HYOU1: variants seen among roughly 807,000 people sequenced by gnomAD.
HYOU1 encodes hypoxia up-regulated protein 1.
A neutral mutation model predicts 120.5 loss-of-function variants in HYOU1; 40 were observed. That is an observed-to-expected ratio of 0.33 (90% CI 0.26 to 0.43). HYOU1 has a LOEUF of 0.43. Ranked by LOEUF, HYOU1 falls within the 20% of genes least tolerant of loss-of-function variation. The pLI is 1.00. For missense variants in HYOU1, 1,085 were observed against 1,278.3 expected (o/e 0.85, Z 2.31); for synonymous variants, 501 against 479.4 (o/e 1.05, Z -0.59).
In HYOU1 at chr11:119,049,813, C is replaced by T. The variant is rs2133575883; in HGVS notation, c.1690G>A (p.Val564Ile). 7 of 1,614,108 alleles carry T rather than the reference C, an allele frequency of 4.3e-6. No individual in the cohort carries two copies. The highest frequency in any genetic ancestry group is 5.9e-6 in the Non-Finnish European group (7 of 1,179,968). ...GATTCCTCTTCTGCGCTGTCCTCTA[C>T]CAGTGTCTCAAATACAGACTCCACC... is the stretch of plus-strand genomic sequence containing the variant. The part of the protein sequence containing the change: ...DRVESVFETL[V>I]EDSAEEESTL... Residue 564 changes from valine (V) to isoleucine (I), a missense_variant, in exon 15 of 26, where the codon GTA becomes ATA. Physicochemically the swap from Val to Ile is conservative, Grantham distance 29 (BLOSUM62 3). Around this residue, in one of 4 missense-constraint regions of HYOU1, gnomAD observed 515 missense variants for 677.8 expected, o/e 0.76. Coordinates refer to ENST00000617285, the MANE Select transcript of HYOU1 (RefSeq NM_006389.5).
chr11:119,050,295 C>A (rs1944345869), intron 14 of HYOU1, among the ~76,000 whole-genome samples: 1 of 152,014 alleles, frequency 6.6e-6, no homozygotes, highest in South Asian at 2.1e-4. Flanking sequence ...CGCCTGTAAT[C>A]CCAGCTACTC....
chr11:119,044,820 G>T lies in HYOU1; in HGVS notation c.*773C>A. ...TTATGACAGAGCTTGCACGATGCTGGCACCCCATGCCAACCACTCTACGTG... is the reference window on the plus strand; with the variant it reads ...TTATGACAGAGCTTGCACGATGCTGTCACCCCATGCCAACCACTCTACGTG... On this transcript the variant is annotated 3_prime_UTR_variant, in exon 26 of 26. Coordinates refer to ENST00000617285, the MANE Select transcript of HYOU1 (RefSeq NM_006389.5). 2 of 249,046 alleles carry T rather than the reference G, an allele frequency of 8.0e-6. No individual in the cohort carries two copies. The highest frequency in any genetic ancestry group is 4.2e-5 in the Admixed American group (1 of 23,938). 15.4% of individuals were successfully genotyped at this position (249,046 alleles called of 1,614,324 possible). A position where few individuals can be genotyped will look rare whatever the true frequency, so the allele number is the denominator to read the frequency against.
Position 119,046,807 on chromosome 11 carries a change from G to A in HYOU1, c.2596-5C>T. 3 of 1,598,980 alleles carry A rather than the reference G, an allele frequency of 1.9e-6. No homozygotes were observed. Among genetic ancestry groups the A allele is most frequent in the Non-Finnish European group, 2.5e-6 (3 of 1,179,842 alleles). On this transcript the variant is annotated splice_region_variant and splice_polypyrimidine_tract_variant and intron_variant, in intron 22 of 25. Transcript: ENST00000617285. ...CAGAGTTGCATTCTTCCAGGCCTGT[G>A]GGTGAGACCAGGAGAGGCTCCAAGC...
rs1055139218 is a variant in HYOU1 at position 119,046,273 on chromosome 11, T to C, written c.2887+144A>G. The C allele has an allele frequency of 3.8e-5, 28 of 730,426 alleles. No individual in the cohort carries two copies. In the East Asian group the frequency reaches 7.4e-4, roughly 19 times the overall value. 45.2% of individuals were successfully genotyped at this position (730,426 alleles called of 1,614,324 possible). ...GAGCCACCGTGCCTGGCCTTTTTTT[T>C]TTTTTTTTTTTTTAAACAACCCTTT... On this transcript the variant is annotated intron_variant, in intron 24 of 25. Coordinates refer to ENST00000617285, the MANE Select transcript of HYOU1 (RefSeq NM_006389.5).
intron 7 of HYOU1, 53 bp from the exon 8 acceptor site, chr11:119,054,289 C>T: frequency 7.0e-7 from 1 of 1,419,922 alleles, no homozygotes; most frequent in Non-Finnish European, 9.9e-7. Flanking sequence ...CTCCAGGGGG[C>T]CTGCCTGCCC....
At position 119,048,453 on chromosome 11, in the gene HYOU1, G is replaced by A. The variant is rs2133564473; in HGVS notation, c.2253+23C>T. The A allele has an allele frequency of 3.7e-6, 6 of 1,613,224 alleles. No individual in the cohort carries two copies. In the African/African-American group the frequency reaches 8.0e-5, roughly 22 times the overall value. On this transcript the variant is annotated intron_variant, in intron 19 of 25. Coordinates refer to ENST00000617285, the MANE Select transcript of HYOU1 (RefSeq NM_006389.5). The surrounding 1 kb of genome is among the most constrained non-coding windows in gnomAD (Gnocchi z 4.7). ...AGCCAGGTGTAAGCCCAGTGGGGGG[G>A]CTGCTGCCTCCTGCCCACTGACCTG...
In HYOU1 at chr11:119,051,754, G is replaced by C; in HGVS notation, c.1338+65C>G. 1.9e-6 allele frequency: 3 copies of C among 1,605,934 alleles called. No homozygotes were observed. ...ACAAAGGGATGAGCCAGAGCAGACA[G>C]AAGGGGAAACCCTACTTGGGAGAGG... On this transcript the variant is annotated intron_variant, in intron 12 of 25. Transcript: ENST00000617285. The surrounding 1 kb of genome is among the most constrained non-coding windows in gnomAD (Gnocchi z 4.2).
intron 8 of HYOU1, 45 bp downstream of exon 8, chr11:119,054,076 T>C: frequency 8.1e-7 from 1 of 1,239,102 alleles, no homozygotes; most frequent in South Asian, 1.2e-5. Flanking sequence ...AACCCCTGAC[T>C]TGAGGGTCTT....
Position 119,049,222 on chromosome 11 carries a change from G to A in HYOU1, c.1807-19C>T, listed in dbSNP as rs2133570752. On this transcript the variant is annotated intron_variant, in intron 16 of 25. Transcript: ENST00000617285. ...CTTCCTCCTGGGAAACACCACAGGC[G>A]CCCCAGGGAACGATCAGGAGCAGAG... The A allele has an allele frequency of 1.1e-5, 18 of 1,587,520 alleles. No homozygotes were observed. The highest frequency in any genetic ancestry group is 1.5e-5 in the Non-Finnish European group (17 of 1,168,100).
In HYOU1 at chr11:119,045,778, C is replaced by T. The variant is rs1307029078; in HGVS notation, c.2938+3G>A. 5 of 1,612,708 alleles carry T rather than the reference C, an allele frequency of 3.1e-6. No homozygotes were observed. The African/African-American group carries it at 6.7e-5, about 22-fold the overall frequency. On this transcript the variant is annotated splice_donor_region_variant and intron_variant, in intron 25 of 25. Coordinates refer to ENST00000617285, the MANE Select transcript of HYOU1 (RefSeq NM_006389.5). ...CCCACCGTAGCCCCGGCTCCATCCT[C>T]ACCTGCTCCAGGACCTCCTAACTCC...
In HYOU1 at chr11:119,044,740, G is replaced by A. The variant is rs1335864071; in HGVS notation, c.*853C>T. 3 of 199,674 alleles carry A rather than the reference G, an allele frequency of 1.5e-5. No homozygotes were observed. Among genetic ancestry groups the A allele is most frequent in the Non-Finnish European group, 2.1e-5 (2 of 93,452 alleles). 12.4% of individuals were successfully genotyped at this position (199,674 alleles called of 1,614,324 possible). A position where few individuals can be genotyped will look rare whatever the true frequency, so the allele number is the denominator to read the frequency against. ...GGAGGAGCAGAACAGCAGAAGAGAG[G>A]AGGAGGCAGGGAGTTACAGGAACCT... On this transcript the variant is annotated 3_prime_UTR_variant, in exon 26 of 26. Transcript: ENST00000617285.
rs2133545555 is a variant in HYOU1, at chr11:119,045,857, C to T, written c.2888-26G>A. 139 of 1,611,466 alleles carry T rather than the reference C, an allele frequency of 8.6e-5. 1 individual carries two copies. The highest frequency in any genetic ancestry group is 1.1e-4 in the Non-Finnish European group (134 of 1,179,282). On this transcript the variant is annotated intron_variant, in intron 24 of 25. Transcript: ENST00000617285. ...CTGCTTTGGGAAGAAACAGGTTAGT[C>T]TCCTCAGAAGGGAGGAAGAGGCTAA... is the stretch of plus-strand genomic sequence containing the variant.
At chr11:119,054,358 G>C in intron 7 of HYOU1, 122 bp from the exon 8 acceptor site, 1 of 1,190,900 alleles carries the variant, frequency 8.4e-7, no homozygotes, top group African/African-American at 1.5e-5. Flanking sequence ...AGCTCCAACA[G>C]GGGCTGGGAG....
At position 119,057,061 on chromosome 11, in the gene HYOU1, C is replaced by G. The variant is rs1944827133; in HGVS notation, c.-49G>C. 2.0e-5 allele frequency: 3 copies of G among 152,446 alleles called. No individual in the cohort carries two copies. The highest frequency in any genetic ancestry group is 6.5e-5 in the Admixed American group (1 of 15,284). 9.4% of individuals were successfully genotyped at this position (152,446 alleles called of 1,614,324 possible). A position where few individuals can be genotyped will look rare whatever the true frequency, so the allele number is the denominator to read the frequency against. ...TGCGGCCCCAGCTCTGGGACAGACG[C>G]GGCACGAACGTACCCACGAGGCCGG... On this transcript the variant is annotated 5_prime_UTR_variant, in exon 1 of 26. Transcript: ENST00000617285.
chr11:119,051,083 G>C lies in HYOU1; in HGVS notation c.1617C>G (p.Ile539Met). 6.2e-7 allele frequency: 1 copy of C among 1,614,222 alleles called. No homozygotes were observed. Among genetic ancestry groups the C allele is most frequent in the Non-Finnish European group, 8.5e-7 (1 of 1,180,046 alleles). ...KKYPDYESKG[I>M]KAHFNLDESG... ...TCTCATCCAGGTTGAAGTGAGCCTT[G>C]ATGCCCTTGGACTCGTAGTCAGGAT... The change falls in exon 14 of 26, where the codon ATC becomes ATG. Residue 539 changes from isoleucine to methionine, a missense_variant. Ile to Met is a conservative substitution (Grantham distance 10). This residue lies in a region of HYOU1 where 515 missense variants were observed against 677.8 expected (regional missense o/e 0.76). Transcript: ENST00000617285. The surrounding 1 kb of genome is among the most constrained non-coding windows in gnomAD (Gnocchi z 4.2).
chr11:119,048,078 C>T lies in HYOU1; in HGVS notation c.2379G>A (p.Met793Ile), dbSNP rs1039412573. ...TCAGCTCAGCCAGCTTCTCCTTCAA[C>T]ATCTGATGGATGTGCGATTGGGCAG... Reference protein sequence around the residue: ...EDEGVGATTVMLKEKLAELRK... With the variant: ...EDEGVGATTVILKEKLAELRK... The change falls in exon 21 of 26, where the codon ATG (methionine) becomes ATA (isoleucine). Residue 793 changes from methionine to isoleucine, a missense_variant and splice_region_variant. Coordinates refer to ENST00000617285, the MANE Select transcript of HYOU1 (RefSeq NM_006389.5). The surrounding 1 kb of genome is among the most constrained non-coding windows in gnomAD (Gnocchi z 4.7). 23 of 1,614,160 alleles carry T rather than the reference C, an allele frequency of 1.4e-5. No individual in the cohort carries two copies. The highest frequency in any genetic ancestry group is 1.9e-5 in the Non-Finnish European group (22 of 1,180,044).
rs2133585894 is a variant in HYOU1, at chr11:119,051,564, C to T, written c.1400G>A (p.Arg467Gln). 6.8e-6 allele frequency: 11 copies of T among 1,614,040 alleles called. No individual in the cohort carries two copies. The highest frequency in any genetic ancestry group is 2.2e-5 in the East Asian group (1 of 44,892). Residue 467 changes from arginine to glutamine, a missense_variant, in exon 13 of 26, where the codon CGG (arginine) becomes CAG (glutamine). Arg to Gln is a conservative substitution (Grantham distance 43). Transcript: ENST00000617285. This position sits in a 1 kb window ranked among gnomAD's most constrained non-coding sequence, Gnocchi z 4.2. ...PGIHSLKHNK[R>Q]VLFSRMGPYP... ...GGGCCCCATCCGAGAGAAGAGTACC[C>T]GTTTATTGTGCTTCAGGCTGTGAAT...
intron 1 of HYOU1, chr11:119,056,463 A>T: frequency 2.1e-6 from 1 of 484,990 alleles, no homozygotes. Flanking sequence ...TGTCCACCAC[A>T]CAGGCAGTGA....
At chr11:119,056,675 C>T (rs1439410626) in intron 1 of HYOU1, 1 of 297,534 alleles carries the variant, frequency 3.4e-6, no homozygotes, top group Non-Finnish European at 6.6e-6. Flanking sequence ...GGCATCCCTG[C>T]GGGTTGTCCC....
Sources: gnomAD v4.1 joint callset for allele counts (sites outside exome capture counted in the v4.1 genomes callset) on GRCh38, gnomAD v4.1.1 for gene constraint, gnomAD v4.1.1 regional missense constraint, Gnocchi (gnomAD v3.1) non-coding constraint, MANE v1.5 for transcripts, NCBI Gene and HGNC (gene_info 2026-07-23, HGNC 2026-07-21) for gene names.